The following KIAA1549L variants were observed in gnomAD, a reference collection of about 807,000 sequenced individuals.
KIAA1549L encodes the protein UPF0606 protein KIAA1549L.
Under a neutral mutation model 160.7 loss-of-function variants are expected in KIAA1549L, and 88 were observed. The ratio of observed to expected loss-of-function variants is 0.55; its 90% confidence interval spans 0.46 to 0.65. The LOEUF (loss-of-function observed/expected upper bound fraction) is 0.65, where lower values mean the gene tolerates loss of function less well. KIAA1549L is among the 30% of genes least tolerant of loss of function. The pLI is 0.00. For missense variants in KIAA1549L, 2,258 were observed against 2,437.5 expected (o/e 0.93, Z 1.55); for synonymous variants, 950 against 976.7 (o/e 0.97, Z 0.51).
intron 1 of KIAA1549L, among the ~76,000 whole-genome samples, chr11:33,474,469 G>A (rs539260606): frequency 7.2e-5 from 11 of 152,324 alleles, no homozygotes; most frequent in Admixed American, 3.3e-4. Context: ...GTTCCACAGA[G>A]CTCTTTCTCT....
chr11:33,598,756 A>G, intron 12 of KIAA1549L, 64 bp from the exon 13 acceptor site: 5 of 1,586,624 alleles, frequency 3.2e-6, no homozygotes, highest in Non-Finnish European at 4.3e-6. Context: ...AAATAAAATA[A>G]CCTTGAGAGG....
At chr11:33,420,057 G>A (rs950829142) in intron 1 of KIAA1549L, among the ~76,000 whole-genome samples, 1 of 151,986 alleles carries the variant, frequency 6.6e-6, no homozygotes, top group African/African-American at 2.4e-5. Context: ...GTACACTGGA[G>A]CTTTTAGCTG....
chr11:33,417,942 T>TA (rs1258086747), intron 1 of KIAA1549L, among the ~76,000 whole-genome samples: 1 of 152,140 alleles, frequency 6.6e-6, no homozygotes, highest in Non-Finnish European at 1.5e-5. Flanking sequence ...CACGCCCAGC[T>TA]AATTTTTTAT....
chr11:33,452,602 C>T (rs1270995262), intron 1 of KIAA1549L, among the ~76,000 whole-genome samples: 1 of 150,800 alleles, frequency 6.6e-6, no homozygotes, highest in African/African-American at 2.5e-5. Flanking sequence ...AGTGAGACTC[C>T]ATCTCAAATA....
intron 1 of KIAA1549L, among the ~76,000 whole-genome samples, chr11:33,399,696 G>C (rs1850459346): frequency 6.6e-6 from 1 of 152,190 alleles, no homozygotes; most frequent in Admixed American, 6.5e-5. Context: ...CACGCTGACT[G>C]ATGATCTCTT....
chr11:33,460,056 T>G (rs1392872114), intron 1 of KIAA1549L, among the ~76,000 whole-genome samples: 1 of 151,580 alleles, frequency 6.6e-6, no homozygotes, highest in Non-Finnish European at 1.5e-5. Flanking sequence ...TCTTTAATGC[T>G]CTCCCCATAC....
chr11:33,578,907 G>A lies in KIAA1549L; in HGVS notation c.4402+4034G>A, dbSNP rs1407302335. ...CATGAGCTCTTTAAAAGCAAGTGCC[G>A]CATCTCATTCATCTTGGAAGATCTA... On this transcript the variant is annotated intron_variant, in intron 10 of 20. Transcript: ENST00000658780. Among the ~76,000 whole-genome samples the A allele has an allele frequency of 8.5e-5, 13 of 152,106 alleles. No homozygotes were observed. In the South Asian group the frequency reaches 1.9e-3, roughly 22 times the overall value.
At chr11:33,471,561 A>T (rs938358614) in intron 1 of KIAA1549L, among the ~76,000 whole-genome samples, 1 of 152,090 alleles carries the variant, frequency 6.6e-6, no homozygotes, top group African/African-American at 2.4e-5. Flanking sequence ...GAACAGCTTT[A>T]TTCCTTCTTA....
rs1186453664 is a variant in KIAA1549L, at chr11:33,603,919, C to T, written c.4880-2722C>T. On this transcript the variant is annotated intron_variant, in intron 13 of 20. Transcript: ENST00000658780. Reference sequence around the variant, plus strand: ...CAGCATTAGATTGACAGGATCTTGGCGGGAAGACCTTGGTTTTATTCTGAC... The same window carrying T: ...CAGCATTAGATTGACAGGATCTTGGTGGGAAGACCTTGGTTTTATTCTGAC... 3.9e-5 allele frequency among the ~76,000 whole-genome samples: 6 copies of T among 151,942 alleles called. No individual in the cohort carries two copies. The East Asian group carries it at 5.8e-4, about 15-fold the overall frequency.
chr11:33,637,033 A>G (rs1176512198), intron 16 of KIAA1549L, among the ~76,000 whole-genome samples: 2 of 152,158 alleles, frequency 1.3e-5, no homozygotes, highest in Non-Finnish European at 2.9e-5. Flanking sequence ...AGCAGACCTA[A>G]AATGCTTGCC....
At chr11:33,471,115 G>A (rs931829487) in intron 1 of KIAA1549L, among the ~76,000 whole-genome samples, 5 of 152,052 alleles carry the variant, frequency 3.3e-5, no homozygotes, top group Non-Finnish European at 5.9e-5. Flanking sequence ...CGCTGCACCT[G>A]GCTAAGTTTC....
At chr11:33,428,035 G>A (rs1316751852) in intron 1 of KIAA1549L, among the ~76,000 whole-genome samples, 2 of 152,210 alleles carry the variant, frequency 1.3e-5, no homozygotes, top group African/African-American at 4.8e-5. Context: ...ACATTTGGTT[G>A]TTTCCACCTT....
intron 1 of KIAA1549L, among the ~76,000 whole-genome samples, chr11:33,535,165 T>C (rs1033917116): frequency 4.6e-5 from 7 of 152,124 alleles, no homozygotes; most frequent in African/African-American, 1.7e-4. Flanking sequence ...GGCTTTGACT[T>C]ATTTCTGGCT....
At chr11:33,447,479 C>CACCCACCCACCCACCCATCTACCTACCT (rs1158306928) in intron 1 of KIAA1549L, among the ~76,000 whole-genome samples, 2 of 132,036 alleles carry the variant, frequency 1.5e-5, no homozygotes, top group African/African-American at 5.7e-5. Context: ...TCCATCCACC[C>CACCCACCCACCCACCCATCTACCTACCT]ACCCACCCAC....
At chr11:33,624,909 T>TC (rs1434132209) in intron 16 of KIAA1549L, among the ~76,000 whole-genome samples, 3 of 68,276 alleles carry the variant, frequency 4.4e-5, no homozygotes, top group African/African-American at 1.7e-4. Flanking sequence ...CCCTCCCCCC[T>TC]CCCCCCACCC....
rs369501031 is a variant in KIAA1549L at position 33,376,294 on chromosome 11, C to T, written c.-358C>T. On this transcript the variant is annotated 5_prime_UTR_variant, in exon 1 of 21. Transcript: ENST00000658780. The surrounding 1 kb of genome is among the most constrained non-coding windows in gnomAD (Gnocchi z 5.8). ...GCCCCGCGGCCGCCACCCCCGTTCC[C>T]GGCAGCCTCGCCCCCTAGTTCTGCA... Among the ~76,000 whole-genome samples, 707 of 148,826 alleles carry T rather than the reference C, an allele frequency of 4.8e-3. 5 individuals carry two copies. Among genetic ancestry groups the T allele is most frequent in the South Asian group, 8.8e-3 (42 of 4,786 alleles).
chr11:33,623,181 G>A (rs1851006385), intron 16 of KIAA1549L, among the ~76,000 whole-genome samples: 1 of 152,208 alleles, frequency 6.6e-6, no homozygotes, highest in South Asian at 2.1e-4. Flanking sequence ...CAGGGACCAA[G>A]GCCAACACAG....
At chr11:33,639,633 G>C (rs1038690752) in intron 16 of KIAA1549L, among the ~76,000 whole-genome samples, 1 of 152,054 alleles carries the variant, frequency 6.6e-6, no homozygotes, top group Non-Finnish European at 1.5e-5. Flanking sequence ...TCCGCCTCCC[G>C]GGCTCAAGCG....
intron 18 of KIAA1549L, among the ~76,000 whole-genome samples, chr11:33,657,489 G>A (rs2133437895): frequency 7.6e-6 from 1 of 132,336 alleles, no homozygotes; most frequent in South Asian, 2.7e-4. Flanking sequence ...GTATAGATGA[G>A]GAAACAGGCT....
Sources: gnomAD v4.1 joint callset for allele counts (sites outside exome capture counted in the v4.1 genomes callset) on GRCh38, gnomAD v4.1.1 for gene constraint, Gnocchi (gnomAD v3.1) non-coding constraint, MANE v1.5 for transcripts, NCBI Gene and HGNC (gene_info 2026-07-23, HGNC 2026-07-21) for gene names.